The following CIP2A variants were observed in gnomAD, a reference collection of about 807,000 sequenced individuals.
CIP2A encodes protein CIP2A.
CIP2A carries 103 observed loss-of-function variants against 110.9 expected under a neutral mutation model. That is an observed-to-expected ratio of 0.93 (90% CI 0.79 to 1.09). The LOEUF is 1.09. Among genes scored for constraint, CIP2A ranks in the 50% least tolerant of loss-of-function variants. The pLI, the probability that CIP2A is intolerant of heterozygous loss-of-function variation, is 0.00. For missense variants in CIP2A, 1,088 were observed against 1,038.4 expected, an observed-to-expected ratio of 1.05 and a Z score of -0.66; for synonymous variants, 381 against 361.6, an observed-to-expected ratio of 1.05 and a Z score of -0.61.
intron 1 of CIP2A, among the ~76,000 whole-genome samples, chr3:108,586,616 C>T (rs1303971865): frequency 6.6e-6 from 1 of 152,162 alleles, no homozygotes; most frequent in East Asian, 1.9e-4. Context: ...AGGCACTTTA[C>T]ATATGTGAAC....
At chr3:108,557,486 A>G in intron 16 of CIP2A, 72 bp from the exon 17 acceptor site, 1 of 1,150,654 alleles carries the variant, frequency 8.7e-7, no homozygotes, top group Non-Finnish European at 1.2e-6. Context: ...CCTACAATTT[A>G]AAAGTTTACT....
At chr3:108,565,003 T>C (rs1164783482) in intron 12 of CIP2A, among the ~76,000 whole-genome samples, 1 of 151,724 alleles carries the variant, frequency 6.6e-6, no homozygotes, top group Non-Finnish European at 1.5e-5. Flanking sequence ...ACATCAACCC[T>C]AACCAAAAAC....
intron 16 of CIP2A, 133 bp downstream of exon 16, chr3:108,559,624 G>T (rs62266396): frequency 2.1e-6 from 1 of 467,694 alleles, no homozygotes; most frequent in Non-Finnish European, 3.6e-6. Context: ...AGAATTTCAG[G>T]AAGAAGGAAG....
chr3:108,561,940 T>C (rs1005649585), intron 13 of CIP2A, among the ~76,000 whole-genome samples: 5 of 152,250 alleles, frequency 3.3e-5, no homozygotes, highest in Non-Finnish European at 5.9e-5. Context: ...AGATTCCCCT[T>C]TGAAGCTCTT....
intron 10 of CIP2A, among the ~76,000 whole-genome samples, chr3:108,567,257 T>C (rs75858627): frequency 2.0e-5 from 3 of 151,758 alleles, no homozygotes; most frequent in South Asian, 4.1e-4. Flanking sequence ...TTTTTTTTTT[T>C]ACATGTTCTC....
chr3:108,551,092 AAT>A lies in CIP2A; in HGVS notation c.*55_*56del. 3 of 261,860 alleles carry A rather than the reference AAT, an allele frequency of 1.1e-5. No individual in the cohort carries two copies. Among genetic ancestry groups the A allele is most frequent in the Non-Finnish European group, 2.3e-5 (3 of 128,224 alleles). 16.2% of individuals were successfully genotyped at this position (261,860 alleles called of 1,614,324 possible). A position where few individuals can be genotyped will look rare whatever the true frequency, so the allele number is the denominator to read the frequency against. On this transcript the variant is annotated 3_prime_UTR_variant, in exon 21 of 21. Transcript: ENST00000295746. ...TAACTCCCCTACCCACCCCCCCTCC[AAT>A]AGATAAATACATCAAAAATATCATG...
chr3:108,569,263 CTG>C (rs1938302467), intron 9 of CIP2A, 124 bp downstream of exon 9: 4 of 690,736 alleles, frequency 5.8e-6, no homozygotes, highest in Non-Finnish European at 7.4e-6. Flanking sequence ...TCTAGTATGA[CTG>C]TTAGTAATTG....
chr3:108,553,710 T>C lies in CIP2A; in HGVS notation c.2345A>G (p.Glu782Gly). The stretch of plus-strand genomic sequence containing the variant: ...TACTTCTTTTCTCTGTTCTTCTTTC[T>C]CTATTAATTGGGCAATACTTCTGAA... ...QNEKSIAQLI[E>G]KEEQRKEVQN... Residue 782 changes from glutamate to glycine, a missense_variant, in exon 19 of 21, where the codon GAG becomes GGG. Physicochemically the swap from Glu to Gly is moderately conservative, Grantham distance 98. Coordinates refer to ENST00000295746, the MANE Select transcript of CIP2A (RefSeq NM_020890.3). 6.7e-7 allele frequency: 1 copy of C among 1,483,900 alleles called. No homozygotes were observed. The highest frequency in any genetic ancestry group is 1.1e-5 in the South Asian group (1 of 88,220). The allele number at this position is 1,483,900 out of a possible 1,614,324, so 91.9% of individuals were successfully genotyped here. A position where few individuals can be genotyped will look rare whatever the true frequency, so the allele number is the denominator to read the frequency against.
rs751306980 is a variant in CIP2A at position 108,585,183 on chromosome 3, T to A, written c.132A>T (p.Leu44=). ...TTGTTAATATCTGATTTGATGTAAA[T>A]AGTCGTGTGAGTTTCTGTCCAGAAA... is the stretch of plus-strand genomic sequence containing the variant. ...EVISGQKLTR[L]FTSNQILTSE... The change falls in exon 2 of 21, where the codon CTA becomes CTT. Residue 44 remains leucine (L), a synonymous_variant. Transcript: ENST00000295746. 1 of 1,611,708 alleles carries A rather than the reference T, an allele frequency of 6.2e-7. No homozygotes were observed. The highest frequency in any genetic ancestry group is 2.2e-5 in the East Asian group (1 of 44,828).
chr3:108,566,202 G>C (rs998873765), intron 11 of CIP2A, among the ~76,000 whole-genome samples: 3 of 151,478 alleles, frequency 2.0e-5, no homozygotes, highest in African/African-American at 7.3e-5. Context: ...GATTACTGAG[G>C]CAATGTCAAA....
rs538703847 is a variant in CIP2A at position 108,580,707 on chromosome 3, C to T, written c.549+708G>A. On this transcript the variant is annotated intron_variant, in intron 5 of 20. Transcript: ENST00000295746. ...GCAGTGGCGCGATCTCAGCTCACTC[C>T]AACCTCCACCTCCCGGGTTCAAGCA... is the stretch of plus-strand genomic sequence containing the variant. 1.1e-4 allele frequency among the ~76,000 whole-genome samples: 16 copies of T among 152,012 alleles called. No individual in the cohort carries two copies. In the South Asian group the frequency reaches 3.3e-3, roughly 32 times the overall value.
chr3:108,553,911 A>AAAAAAAAAAAAAAAAAAAAAAAAAAAC, intron 18 of CIP2A, among the ~76,000 whole-genome samples, 181 bp from the exon 19 acceptor site: 2 of 132,956 alleles, frequency 1.5e-5, no homozygotes, highest in Non-Finnish European at 3.4e-5. Context: ...AAAAAAAAAA[A>AAAAAAAAAAAAAAAAAAAAAAAAAAAC]AAAAAAAAGG....
At chr3:108,562,564 G>T (rs958549196) in intron 13 of CIP2A, among the ~76,000 whole-genome samples, 1 of 152,102 alleles carries the variant, frequency 6.6e-6, no homozygotes, top group African/African-American at 2.4e-5. Context: ...CCTGAAATCT[G>T]AATTTTTTTT....
In CIP2A at chr3:108,585,096, G is replaced by T. The variant is rs758238570; in HGVS notation, c.219C>A (p.Ile73=). The part of the protein sequence containing the change: ...LEDPNISASL[I]LSIIGLLSQL... ...GAGACAGCAAACCGATAATACTTAA[G>T]ATCAGTGAAGCACTTATGTTGGGGT... The change falls in exon 2 of 21, where the codon ATC becomes ATA. Residue 73 remains isoleucine (I), a synonymous_variant. Transcript: ENST00000295746. 6.2e-7 allele frequency: 1 copy of T among 1,612,952 alleles called. No homozygotes were observed. Among genetic ancestry groups the T allele is most frequent in the Admixed American group, 1.7e-5 (1 of 59,866 alleles).
chr3:108,573,368 A>T (rs984952307), intron 8 of CIP2A, among the ~76,000 whole-genome samples: 36 of 152,148 alleles, frequency 2.4e-4, no homozygotes, highest in African/African-American at 8.4e-4. Context: ...CCCCACCAAG[A>T]TGTATTTTGC....
At chr3:108,560,596 G>T in intron 14 of CIP2A, 53 bp downstream of exon 14, 2 of 1,044,924 alleles carry the variant, frequency 1.9e-6, no homozygotes, top group South Asian at 1.8e-5. Flanking sequence ...TTATAATTGG[G>T]ACTGACATAT....
intron 5 of CIP2A, 47 bp from the exon 6 acceptor site, chr3:108,579,735 G>A (rs1938799156): frequency 3.0e-6 from 4 of 1,313,438 alleles, no homozygotes; most frequent in Non-Finnish European, 4.1e-6. Context: ...TAAATTTTAT[G>A]TTTTGGTTTA....
rs775297142 is a variant in CIP2A, at chr3:108,565,407, T to A, written c.1463A>T (p.Lys488Ile). The A allele has an allele frequency of 8.7e-6, 14 of 1,603,172 alleles. No individual in the cohort carries two copies. The South Asian group carries it at 1.6e-4, about 18-fold the overall frequency. The change falls in exon 12 of 21, where the codon AAA becomes ATA. Residue 488 changes from lysine to isoleucine, a missense_variant. Coordinates refer to ENST00000295746, the MANE Select transcript of CIP2A (RefSeq NM_020890.3). ...CATACCAGGAACCAATGGTTTAAGT[T>A]TGTTAATCAAATCAAGAGTTTTCAA... The part of the protein sequence containing the change: ...VILKTLDLIN[K>I]LKPLVPGMEV...
chr3:108,557,271 A>C lies in CIP2A; in HGVS notation c.2157T>G (p.Ser719=), dbSNP rs1937840457. The C allele has an allele frequency of 1.2e-6, 2 of 1,608,302 alleles. No individual in the cohort carries two copies. ...TCAGTATTTCATGTTCTTCAGCCAC[A>C]GACTCTAACTTCCTATTATGTTGAA... ...HLFQHNRKLE[S]VAEEHEILTK... is the part of the protein sequence containing the mutation. Residue 719 remains serine, a synonymous_variant, in exon 17 of 21, where the codon TCT becomes TCG. Coordinates refer to ENST00000295746, the MANE Select transcript of CIP2A (RefSeq NM_020890.3).
Sources: allele counts gnomAD v4.1 joint callset (sites outside exome capture counted in the v4.1 genomes callset), GRCh38; gene constraint gnomAD v4.1.1; transcripts MANE v1.5; gene names NCBI Gene and HGNC (gene_info 2026-07-23, HGNC 2026-07-21).